The following RIMS1 variants were observed in gnomAD, a reference collection of about 807,000 sequenced individuals.
RIMS1 encodes the protein regulating synaptic membrane exocytosis protein 1.
Under a neutral mutation model 214.1 loss-of-function variants are expected in RIMS1, and 83 were observed. The observed-to-expected ratio is 0.39, with a 90% CI of 0.32 to 0.47. RIMS1 has a LOEUF of 0.47. RIMS1 is among the 20% of genes least tolerant of loss of function. The pLI, the probability that RIMS1 is intolerant of heterozygous loss-of-function variation, is 0.99. For missense variants in RIMS1, 2,050 were observed against 2,161.8 expected, an observed-to-expected ratio of 0.95 and a Z score of 1.03; for synonymous variants, 793 against 786.8, an observed-to-expected ratio of 1.01 and a Z score of -0.13.
chr6:72,030,490 T>G (rs1388558904), intron 2 of RIMS1, among the ~76,000 whole-genome samples: 1 of 152,190 alleles, frequency 6.6e-6, no homozygotes, highest in East Asian at 1.9e-4. Context: ...TGTTAAAATT[T>G]ATAATTGCAG....
At chr6:72,116,070 G>A (rs1319208007) in intron 4 of RIMS1, among the ~76,000 whole-genome samples, 8 of 151,900 alleles carry the variant, frequency 5.3e-5, no homozygotes, top group African/African-American at 1.9e-4. Flanking sequence ...ACATTGCTGA[G>A]ATGACTACTG....
chr6:72,391,471 T>C (rs2098701622), intron 30 of RIMS1, among the ~76,000 whole-genome samples: 1 of 152,086 alleles, frequency 6.6e-6, no homozygotes, highest in African/African-American at 2.4e-5. Flanking sequence ...TACAAATAAG[T>C]AATTAATGTG....
intron 9 of RIMS1, among the ~76,000 whole-genome samples, chr6:72,240,496 A>T (rs1252573172): frequency 2.0e-5 from 3 of 151,714 alleles, no homozygotes; most frequent in African/African-American, 7.3e-5. Context: ...ATATGAATAT[A>T]TATACACACG....
intron 2 of RIMS1, among the ~76,000 whole-genome samples, chr6:72,096,086 C>A (rs930327696): frequency 6.6e-6 from 1 of 152,208 alleles, no homozygotes; most frequent in African/African-American, 2.4e-5. Flanking sequence ...TGGGAGGAGA[C>A]TTTAATCACA....
At chr6:71,939,321 G>A (rs1026938871) in intron 1 of RIMS1, among the ~76,000 whole-genome samples, 1 of 152,084 alleles carries the variant, frequency 6.6e-6, no homozygotes, top group East Asian at 1.9e-4. Flanking sequence ...CTCTAACCAG[G>A]ATCAATCTTC....
intron 18 of RIMS1, 133 bp downstream of exon 18, chr6:72,259,244 T>C (rs1173508552): frequency 3.5e-6 from 2 of 574,728 alleles, no homozygotes; most frequent in East Asian, 5.9e-5. Context: ...AAGCAACAAC[T>C]GTTAACATAT....
rs560229143 is a variant in RIMS1 at position 72,226,816 on chromosome 6, C to T, written c.1679-6957C>T. Among the ~76,000 whole-genome samples the T allele has an allele frequency of 1.5e-3, 226 of 152,134 alleles. 2 individuals are homozygous for T. The highest frequency in any genetic ancestry group is 5.3e-3 in the African/African-American group (221 of 41,560). On this transcript the variant is annotated intron_variant, in intron 6 of 33. Transcript: ENST00000521978. ...ATTACATCTATTTTGGTTACAATCA[C>T]TAATTAACTGTAAGTCTGATCTCTA...
intron 2 of RIMS1, among the ~76,000 whole-genome samples, chr6:72,069,636 A>G (rs941866637): frequency 2.6e-5 from 4 of 152,194 alleles, no homozygotes; most frequent in African/African-American, 7.2e-5. Flanking sequence ...TACTCACCCT[A>G]TGATCTATAT....
chr6:71,925,555 A>C (rs2150822725), intron 1 of RIMS1, among the ~76,000 whole-genome samples: 1 of 152,350 alleles, frequency 6.6e-6, no homozygotes, highest in South Asian at 2.1e-4. Context: ...TGTTCTACTA[A>C]GTTGGAATAT....
rs774041612 is a variant in RIMS1, at chr6:72,265,470, C to G, written c.3275C>G (p.Thr1092Arg). ...ISLHHECFNS[T>R]VLRFTDEILV... ...CTTCATCATGAATGCTTTAACTCAA[C>G]AGTATTGAGATTTACTGATGAAATA... The change falls in exon 21 of 34, where the codon ACA becomes AGA. Residue 1092 changes from threonine to arginine, a missense_variant. Coordinates refer to ENST00000521978, the MANE Select transcript of RIMS1 (RefSeq NM_014989.7). The G allele has an allele frequency of 3.7e-6, 6 of 1,602,210 alleles. No individual in the cohort carries two copies. The South Asian group carries it at 6.6e-5, about 18-fold the overall frequency.
rs796705685 is a variant in RIMS1, at chr6:72,163,805, G to T, written c.472-15770G>T. 5.0e-4 allele frequency among the ~76,000 whole-genome samples: 41 copies of T among 81,630 alleles called. 6 individuals are homozygous for T. Among genetic ancestry groups the T allele is most frequent in the Non-Finnish European group, 3.5e-4 (11 of 31,570 alleles). The allele number at this position is 81,630 out of a possible 152,430, so 53.6% of individuals were successfully genotyped here. A position where few individuals can be genotyped will look rare whatever the true frequency, so the allele number is the denominator to read the frequency against. On this transcript the variant is annotated intron_variant, in intron 4 of 33. Transcript: ENST00000521978. ...TCAATCTGCCCCTACTGGCTGGGGG[G>T]GGGGGGCCTCCCAGTTAGGCTACTC...
chr6:72,391,931 T>C (rs1226982282), intron 30 of RIMS1, among the ~76,000 whole-genome samples: 1 of 152,258 alleles, frequency 6.6e-6, no homozygotes, highest in East Asian at 1.9e-4. Flanking sequence ...TCATGGTCTC[T>C]GGATGGGATT....
At chr6:72,136,526 CAT>C (rs1469058341) in intron 4 of RIMS1, among the ~76,000 whole-genome samples, 1 of 151,954 alleles carries the variant, frequency 6.6e-6, no homozygotes, top group Non-Finnish European at 1.5e-5. Context: ...CTGAAACAAA[CAT>C]AAATTTTTGA....
chr6:72,235,937 A>G (rs1417084663), intron 8 of RIMS1, among the ~76,000 whole-genome samples: 1 of 152,094 alleles, frequency 6.6e-6, no homozygotes, highest in African/African-American at 2.4e-5. Context: ...TTTTGCATTA[A>G]AAAGATTTAA....
At position 72,250,982 on chromosome 6, in the gene RIMS1, A is replaced by G. The variant is rs1352318396; in HGVS notation, c.2434A>G (p.Thr812Ala). 1 of 1,552,788 alleles carries G rather than the reference A, an allele frequency of 6.4e-7. No individual in the cohort carries two copies. The highest frequency in any genetic ancestry group is 8.7e-7 in the Non-Finnish European group (1 of 1,148,424). Residue 812 changes from threonine to alanine, a missense_variant, in exon 14 of 34, where the codon ACT becomes GCT. By Grantham distance (58) the Thr-to-Ala change is moderately conservative (BLOSUM62 0). This residue lies in a region of RIMS1 where 889 missense variants were observed against 885.5 expected (regional missense o/e 1.00). Transcript: ENST00000521978. Reference protein sequence around the residue: ...KKILEPKWNQTFVYSHVHRRD... With the variant: ...KKILEPKWNQAFVYSHVHRRD... ...AATACTAGAACCAAAATGGAATCAA[A>G]CTTTTGTCTATTCACATGTACATCG...
chr6:72,253,837 C>T (rs115504521), intron 16 of RIMS1, among the ~76,000 whole-genome samples: 270 of 151,992 alleles, frequency 1.8e-3, no homozygotes, highest in African/African-American at 6.2e-3. Flanking sequence ...TCATTTGTTC[C>T]CTATAATTCA....
chr6:72,347,537 A>C (rs958438883), intron 29 of RIMS1, among the ~76,000 whole-genome samples: 1 of 151,782 alleles, frequency 6.6e-6, no homozygotes, highest in African/African-American at 2.4e-5. Context: ...TATTGTGCAC[A>C]TGTGAAACCA....
At chr6:71,963,834 C>A (rs1793676213) in intron 1 of RIMS1, among the ~76,000 whole-genome samples, 1 of 152,054 alleles carries the variant, frequency 6.6e-6, no homozygotes, top group Admixed American at 6.6e-5. Flanking sequence ...CTGTGTTTTA[C>A]CATGTTAAAT....
At chr6:72,301,037 CTTA>C (rs2094554831) in intron 26 of RIMS1, among the ~76,000 whole-genome samples, 1 of 151,710 alleles carries the variant, frequency 6.6e-6, no homozygotes. Context: ...GTGTTACTCA[CTTA>C]TTGCATTTTC....
Sources: gnomAD v4.1 joint callset for allele counts (sites outside exome capture counted in the v4.1 genomes callset) on GRCh38, gnomAD v4.1.1 for gene constraint, gnomAD v4.1.1 regional missense constraint, MANE v1.5 for transcripts, NCBI Gene and HGNC (gene_info 2026-07-23, HGNC 2026-07-21) for gene names.